Variants in NR2C1 observed in about 807,000 individuals in gnomAD.
The protein encoded by NR2C1 is nuclear receptor subfamily 2 group C member 1.
A neutral mutation model predicts 74.8 loss-of-function variants in NR2C1; 33 were observed. That is an observed-to-expected ratio of 0.44 (90% CI 0.33 to 0.59). The LOEUF (loss-of-function observed/expected upper bound fraction) is 0.59, where lower values mean the gene tolerates loss of function less well. Among genes scored for constraint, NR2C1 ranks in the 20% least tolerant of loss-of-function variants. NR2C1 has a pLI of 0.02. For synonymous variants in NR2C1, 225 were observed against 240.6 expected, an observed-to-expected ratio of 0.94 and a Z score of 0.60; for missense variants, 568 against 715.6, an observed-to-expected ratio of 0.79 and a Z score of 2.35.
chr12:95,068,202 G>GGTCTTTATTTATCTTTAAAGACCGTATC (rs1170958118), intron 1 of NR2C1, among the ~76,000 whole-genome samples: 1 of 152,130 alleles, frequency 6.6e-6, no homozygotes, highest in East Asian at 1.9e-4. Context: ...ATCTTTATAT[G>GGTCTTTATTTATCTTTAAAGACCGTATC]TTTATACGGT....
intron 13 of NR2C1, among the ~76,000 whole-genome samples, chr12:95,022,769 C>A (rs548744880): frequency 6.6e-6 from 1 of 151,334 alleles, no homozygotes; most frequent in Non-Finnish European, 1.5e-5. Flanking sequence ...TGTGAGCTCA[C>A]TGCAGCCTCA....
intron 1 of NR2C1, among the ~76,000 whole-genome samples, chr12:95,071,334 T>C (rs1180965474): frequency 1.3e-5 from 2 of 152,262 alleles, no homozygotes; most frequent in African/African-American, 4.8e-5. Flanking sequence ...CCTAATACTG[T>C]CTGTAAAATT....
chr12:95,056,677 G>A (rs995333045), intron 7 of NR2C1, among the ~76,000 whole-genome samples: 1 of 152,182 alleles, frequency 6.6e-6, no homozygotes, highest in Non-Finnish European at 1.5e-5. Context: ...AGAATTGTAC[G>A]GCTGGGCGTG....
At chr12:95,053,593 CT>C (rs765217500) in intron 7 of NR2C1, among the ~76,000 whole-genome samples, 1 of 151,476 alleles carries the variant, frequency 6.6e-6, no homozygotes, top group African/African-American at 2.4e-5. Context: ...AATGAGAAGC[CT>C]TTTAAGTTGC....
intron 7 of NR2C1, among the ~76,000 whole-genome samples, chr12:95,054,805 G>C (rs1052267168): frequency 1.3e-5 from 2 of 151,834 alleles, no homozygotes; most frequent in Admixed American, 6.6e-5. Flanking sequence ...TCTCGCAGAG[G>C]GGGATTTGGC....
In NR2C1 at chr12:95,025,186, T is replaced by C; in HGVS notation, c.1601A>G (p.Asp534Gly). Residue 534 changes from aspartate (D) to glycine (G), a missense_variant, in exon 13 of 14, where the codon GAT (aspartate) becomes GGT (glycine). This residue lies in a region of NR2C1 where 117 missense variants were observed against 186.7 expected (regional missense o/e 0.63). Transcript: ENST00000333003. Reference protein sequence around the residue: ...FQEKAYVEFQDYITKTYPDDT... With the variant: ...FQEKAYVEFQGYITKTYPDDT... Reference sequence around the variant, plus strand: ...ATCTGGATATGTTTTGGTTATATAATCTTGGAATTCCACATAAGCCTTTTC... The same window carrying C: ...ATCTGGATATGTTTTGGTTATATAACCTTGGAATTCCACATAAGCCTTTTC... The C allele has an allele frequency of 6.2e-7, 1 of 1,601,198 alleles. No homozygotes were observed. The highest frequency in any genetic ancestry group is 1.1e-5 in the South Asian group (1 of 90,382).
At chr12:95,050,693 T>A (rs985375694) in intron 8 of NR2C1, among the ~76,000 whole-genome samples, 14 of 151,618 alleles carry the variant, frequency 9.2e-5, no homozygotes. Flanking sequence ...CAGGCTGAAG[T>A]GATCTTCCCG....
chr12:95,031,997 A>T (rs1385154453), intron 10 of NR2C1, among the ~76,000 whole-genome samples: 1 of 152,124 alleles, frequency 6.6e-6, no homozygotes, highest in Non-Finnish European at 1.5e-5. Flanking sequence ...CCTCCTCAGT[A>T]GCTGGGATTA....
In NR2C1 at chr12:95,062,523, A is replaced by G. The variant is rs149055730; in HGVS notation, c.270T>C (p.Ser90=). 4.4e-4 allele frequency: 701 copies of G among 1,607,394 alleles called. 1 individual carries two copies. Among genetic ancestry groups the G allele is most frequent in the Non-Finnish European group, 5.4e-4 (640 of 1,175,932 alleles). ...AGTTATTTACCTGCAGGTGTTGTGC[A>G]GACAGATCAGGAGTGGTAAAAAATA... ...NQLFFTTPDL[S]AQHLQLLTDN... Residue 90 remains serine (S), a synonymous_variant, in exon 3 of 14, where the codon TCT becomes TCC. Transcript: ENST00000333003.
chr12:95,056,888 AG>A (rs1315228530), intron 7 of NR2C1, among the ~76,000 whole-genome samples: 7 of 150,588 alleles, frequency 4.6e-5, no homozygotes, highest in Non-Finnish European at 8.9e-5. Flanking sequence ...GAACCCGGGA[AG>A]CGGAGCTTGC....
chr12:95,027,734 TAAAA>T (rs985710074), intron 12 of NR2C1, among the ~76,000 whole-genome samples: 1 of 143,898 alleles, frequency 6.9e-6, no homozygotes, highest in Non-Finnish European at 1.5e-5. Flanking sequence ...AGACTCAGTC[TAAAA>T]AAAAAAAGTA....
intron 2 of NR2C1, chr12:95,067,013 T>C (rs1875814139): frequency 5.7e-6 from 2 of 351,320 alleles, no homozygotes; most frequent in Middle Eastern, 8.1e-4. Flanking sequence ...TAGGCTCAGA[T>C]TGTACCCTCT....
At chr12:95,040,632 T>C (rs1453872852) in intron 9 of NR2C1, 35 bp from the exon 10 acceptor site, 2 of 1,557,396 alleles carry the variant, frequency 1.3e-6, no homozygotes, top group Non-Finnish European at 1.7e-6. Context: ...AATTATCTTA[T>C]GACTGAAAAG....
At position 95,020,720 on chromosome 12, in the gene NR2C1, A is replaced by C. The variant is rs1868695075; in HGVS notation, c.*1509T>G. 1 of 152,218 alleles carries C rather than the reference A, an allele frequency of 6.6e-6. No homozygotes were observed. The highest frequency in any genetic ancestry group is 6.5e-5 in the Admixed American group (1 of 15,280). The allele number at this position is 152,218 out of a possible 1,614,324, so 9.4% of individuals were successfully genotyped here. On this transcript the variant is annotated 3_prime_UTR_variant, in exon 14 of 14. Transcript: ENST00000333003. ...ATCCGTGTTTGCTTTAAAAATCAAC[A>C]AACATACCAAAATAATTCATCAAGA...
At chr12:95,036,270 A>G (rs115413785) in intron 10 of NR2C1, among the ~76,000 whole-genome samples, 2,845 of 89,096 alleles carry the variant, frequency 0.032, 84 homozygotes, top group African/African-American at 0.12. Flanking sequence ...GAATGTTGAG[A>G]TTAAAAAAAA....
intron 3 of NR2C1, among the ~76,000 whole-genome samples, chr12:95,061,306 T>G (rs1403867689): frequency 6.6e-6 from 1 of 152,208 alleles, no homozygotes; most frequent in Non-Finnish European, 1.5e-5. Context: ...TAAACTTCAG[T>G]TAACAATGTA....
intron 8 of NR2C1, chr12:95,049,555 A>G: frequency 1.1e-5 from 2 of 177,536 alleles, no homozygotes; most frequent in South Asian, 1.8e-4. Flanking sequence ...CTATGATCAC[A>G]CCACTGTACT....
chr12:95,035,751 T>G (rs569696334), intron 10 of NR2C1, among the ~76,000 whole-genome samples: 2 of 152,346 alleles, frequency 1.3e-5, no homozygotes, highest in East Asian at 3.9e-4. Flanking sequence ...GCTATGTTTT[T>G]AAAAGTTCAA....
chr12:95,052,616 T>A (rs570635231), intron 7 of NR2C1, among the ~76,000 whole-genome samples: 3 of 152,114 alleles, frequency 2.0e-5, no homozygotes, highest in Non-Finnish European at 4.4e-5. Flanking sequence ...CTGCTATGCC[T>A]GGGTTGTTTT....
Sources: gnomAD v4.1 joint callset for allele counts (sites outside exome capture counted in the v4.1 genomes callset) on GRCh38, gnomAD v4.1.1 for gene constraint, gnomAD v4.1.1 regional missense constraint, MANE v1.5 for transcripts, NCBI Gene and HGNC (gene_info 2026-07-23, HGNC 2026-07-21) for gene names.